MMP16: variants seen among roughly 807,000 people sequenced by gnomAD.
MMP16 encodes the protein matrix metallopeptidase 16.
In MMP16, 12 loss-of-function variants were observed where a neutral mutation model predicts 67.8. The ratio of observed to expected loss-of-function variants is 0.18; its 90% CI spans 0.11 to 0.29. The LOEUF is 0.29. Ranked by LOEUF, MMP16 falls within the 10% of genes least tolerant of loss-of-function variation. The probability of loss-of-function intolerance (pLI) is 1.00; values close to 1 mark genes in which losing one functional copy is unlikely to be tolerated. For synonymous variants in MMP16, 249 were observed against 255.9 expected (o/e 0.97, Z 0.26); for missense variants, 475 against 765.7 (o/e 0.62, Z 4.48).
At chr8:88,195,405 T>C (rs549096508) in intron 2 of MMP16, among the ~76,000 whole-genome samples, 1 of 152,324 alleles carries the variant, frequency 6.6e-6, no homozygotes, top group South Asian at 2.1e-4. Flanking sequence ...AGTTTATTTG[T>C]ATTTTTATGA....
intron 3 of MMP16, among the ~76,000 whole-genome samples, chr8:88,168,811 A>G (rs1808756125): frequency 6.6e-6 from 1 of 152,154 alleles, no homozygotes; most frequent in South Asian, 2.1e-4. Context: ...GTCATAAATA[A>G]GTTTCAGATC....
intron 4 of MMP16, among the ~76,000 whole-genome samples, chr8:88,121,897 C>T (rs755454964): frequency 9.2e-5 from 14 of 151,896 alleles, no homozygotes; most frequent in Non-Finnish European, 5.9e-5. Context: ...CTGTCTTCTC[C>T]GCTGACATAT....
intron 1 of MMP16, among the ~76,000 whole-genome samples, chr8:88,246,291 C>A (rs1810111652): frequency 6.6e-6 from 1 of 152,152 alleles, no homozygotes; most frequent in African/African-American, 2.4e-5. Flanking sequence ...TGTAACTGTT[C>A]ATTATATATA....
At chr8:88,127,413 T>C (rs1807953586) in intron 4 of MMP16, among the ~76,000 whole-genome samples, 1 of 151,688 alleles carries the variant, frequency 6.6e-6, no homozygotes, top group South Asian at 2.1e-4. Flanking sequence ...GCTAAGGTAG[T>C]GATGAAGGGA....
chr8:88,251,295 A>C (rs1209309757), intron 1 of MMP16, among the ~76,000 whole-genome samples: 1 of 151,764 alleles, frequency 6.6e-6, no homozygotes, highest in Admixed American at 6.6e-5. Context: ...CAAAACAGAG[A>C]TATAGATCAA....
chr8:88,183,534 C>T (rs1490959456), intron 3 of MMP16, among the ~76,000 whole-genome samples: 1 of 152,008 alleles, frequency 6.6e-6, no homozygotes. Flanking sequence ...ACATCTTTTA[C>T]TTCCTTTTCT....
intron 4 of MMP16, among the ~76,000 whole-genome samples, chr8:88,159,459 CTGTT>C (rs1282282192): frequency 2.6e-5 from 4 of 152,138 alleles, no homozygotes; most frequent in African/African-American, 4.8e-5. Context: ...ATTTGGCTCT[CTGTT>C]TGTCTGTTAT....
chr8:88,126,333 A>G (rs1807930202), intron 4 of MMP16, among the ~76,000 whole-genome samples: 1 of 151,812 alleles, frequency 6.6e-6, no homozygotes, highest in South Asian at 2.1e-4. Flanking sequence ...CTCTTAAAGT[A>G]TCTGAGAAAC....
At chr8:88,130,024 A>G (rs550190064) in intron 4 of MMP16, among the ~76,000 whole-genome samples, 1 of 151,814 alleles carries the variant, frequency 6.6e-6, no homozygotes, top group African/African-American at 2.4e-5. Context: ...ATTGATGCTA[A>G]TAAGAAAAGA....
At chr8:88,094,509 C>T (rs1808993526) in intron 6 of MMP16, among the ~76,000 whole-genome samples, 1 of 151,454 alleles carries the variant, frequency 6.6e-6, no homozygotes, top group Admixed American at 6.6e-5. Flanking sequence ...ACAAAAGAAA[C>T]AGTATCTTTC....
chr8:88,097,981 C>A (rs1809059019), intron 6 of MMP16, among the ~76,000 whole-genome samples: 1 of 151,876 alleles, frequency 6.6e-6, no homozygotes, highest in African/African-American at 2.4e-5. Flanking sequence ...GGCGAGGAGT[C>A]AGGGTCCAAC....
intron 1 of MMP16, among the ~76,000 whole-genome samples, chr8:88,244,927 C>T (rs191866316): frequency 6.6e-6 from 1 of 152,190 alleles, no homozygotes; most frequent in East Asian, 1.9e-4. Flanking sequence ...TTGGGTCAAA[C>T]CTATGTCTTC....
intron 1 of MMP16, among the ~76,000 whole-genome samples, chr8:88,289,149 G>C (rs1310034821): frequency 6.6e-6 from 1 of 152,090 alleles, no homozygotes; most frequent in Non-Finnish European, 1.5e-5. Flanking sequence ...GAGAGAGAGA[G>C]ACAGAAGAAG....
intron 1 of MMP16, among the ~76,000 whole-genome samples, chr8:88,285,105 C>G (rs886206688): frequency 6.6e-6 from 1 of 152,024 alleles, no homozygotes; most frequent in Non-Finnish European, 1.5e-5. Flanking sequence ...CCAGCAGGGA[C>G]AAGAACAGTT....
chr8:88,132,340 C>T (rs550359329), intron 4 of MMP16, among the ~76,000 whole-genome samples: 29 of 151,954 alleles, frequency 1.9e-4, no homozygotes, highest in African/African-American at 7.0e-4. Flanking sequence ...AACAAATCCA[C>T]AGCTTAAAAC....
chr8:88,074,435 C>T (rs778798323), intron 7 of MMP16, among the ~76,000 whole-genome samples, 170 bp downstream of exon 7: 3 of 151,728 alleles, frequency 2.0e-5, no homozygotes, highest in Non-Finnish European at 2.9e-5. Context: ...CGTATGAGAA[C>T]AAATAAAATA....
chr8:88,108,785 A>G (rs1349305953), intron 6 of MMP16, among the ~76,000 whole-genome samples: 1 of 151,418 alleles, frequency 6.6e-6, no homozygotes, highest in Admixed American at 6.6e-5. Context: ...TTTGTAGAAT[A>G]ATGTGGGAGA....
At chr8:88,146,221 ACT>A (rs1808287495) in intron 4 of MMP16, among the ~76,000 whole-genome samples, 1 of 151,982 alleles carries the variant, frequency 6.6e-6, no homozygotes, top group African/African-American at 2.4e-5. Context: ...GCTCAGCAAG[ACT>A]CTATGATATT....
intron 4 of MMP16, among the ~76,000 whole-genome samples, chr8:88,160,833 C>T (rs1586182478): frequency 2.0e-5 from 3 of 151,536 alleles, no homozygotes; most frequent in East Asian, 3.9e-4. Context: ...CACATGCACA[C>T]GTATGTTTAT....
Sources: allele counts gnomAD v4.1 joint callset (sites outside exome capture counted in the v4.1 genomes callset), GRCh38; gene constraint gnomAD v4.1.1; transcripts MANE v1.5; gene names NCBI Gene and HGNC (gene_info 2026-07-23, HGNC 2026-07-21).